FAM149B1: variants seen among roughly 807,000 people sequenced by gnomAD.
The protein encoded by FAM149B1 is primary cilium assembly protein FAM149B1.
In FAM149B1, 56 loss-of-function variants were observed where a neutral mutation model predicts 75.3. The observed-to-expected ratio is 0.74, with a 90% CI of 0.60 to 0.93. The LOEUF (loss-of-function observed/expected upper bound fraction) is 0.93, where lower values mean the gene tolerates loss of function less well. Ranked by LOEUF, FAM149B1 falls within the 40% of genes least tolerant of loss-of-function variation. The probability of loss-of-function intolerance (pLI) is 0.00; values close to 1 mark genes in which losing one functional copy is unlikely to be tolerated. For missense variants in FAM149B1, 639 were observed against 708.4 expected (o/e 0.90, Z 1.11); for synonymous variants, 259 against 256.1 (o/e 1.01, Z -0.11).
intron 7 of FAM149B1, among the ~76,000 whole-genome samples, chr10:73,218,162 A>T (rs2043336570): frequency 6.6e-6 from 1 of 152,150 alleles, no homozygotes; most frequent in Non-Finnish European, 1.5e-5. Context: ...ATGGAAGGTT[A>T]AAAAAAGGGT....
intron 7 of FAM149B1, among the ~76,000 whole-genome samples, chr10:73,221,183 A>G (rs1038608345): frequency 5.9e-5 from 9 of 152,218 alleles, no homozygotes; most frequent in Non-Finnish European, 1.2e-4. Context: ...GAAATTACAT[A>G]GTGGTAATGA....
intron 7 of FAM149B1, among the ~76,000 whole-genome samples, chr10:73,216,596 G>A (rs181523106): frequency 6.6e-6 from 1 of 152,330 alleles, no homozygotes; most frequent in East Asian, 1.9e-4. Context: ...GTATGAGCAA[G>A]AAGATGTGAG....
intron 3 of FAM149B1, among the ~76,000 whole-genome samples, chr10:73,181,017 T>C (rs1003965561): frequency 6.6e-6 from 1 of 151,282 alleles, no homozygotes; most frequent in Non-Finnish European, 1.5e-5. Flanking sequence ...TTCTTTTTTT[T>C]TTTTTTTGAG....
intron 5 of FAM149B1, among the ~76,000 whole-genome samples, chr10:73,198,387 T>C (rs1004752926): frequency 1.3e-5 from 2 of 151,882 alleles, no homozygotes; most frequent in African/African-American, 4.8e-5. Context: ...CTTCTGAACA[T>C]CAAAAGAAGC....
chr10:73,171,922 C>T (rs190695149), intron 1 of FAM149B1, among the ~76,000 whole-genome samples: 2 of 152,302 alleles, frequency 1.3e-5, no homozygotes, highest in South Asian at 2.1e-4. Flanking sequence ...GCCACCGCAC[C>T]TGGCCTCCTT....
intron 9 of FAM149B1, chr10:73,231,326 C>T (rs980625067): frequency 3.3e-5 from 5 of 152,044 alleles, no homozygotes; most frequent in Non-Finnish European, 7.4e-5. Flanking sequence ...GTTTTACGGT[C>T]TCATTTCTCT....
At chr10:73,172,966 A>G (rs1843780492) in intron 1 of FAM149B1, among the ~76,000 whole-genome samples, 1 of 152,028 alleles carries the variant, frequency 6.6e-6, no homozygotes, top group South Asian at 2.1e-4. Flanking sequence ...TAAAGATTAA[A>G]TAATTAGCCA....
intron 3 of FAM149B1, among the ~76,000 whole-genome samples, chr10:73,180,859 C>T (rs1442922238): frequency 6.6e-6 from 1 of 152,018 alleles, no homozygotes; most frequent in Non-Finnish European, 1.5e-5. Context: ...TTCATTCTTT[C>T]TGTTTTTTTT....
At chr10:73,202,559 A>C (rs1477947030) in intron 5 of FAM149B1, among the ~76,000 whole-genome samples, 1 of 151,916 alleles carries the variant, frequency 6.6e-6, no homozygotes, top group African/African-American at 2.4e-5. Flanking sequence ...CAGCCTCCCA[A>C]GTAGCTGGGA....
In FAM149B1 at chr10:73,209,490, C is replaced by A. The variant is rs79391607; in HGVS notation, c.710+704C>A. ...AAAAAAGAAAAGAAAAAGGTATAAA[C>A]AGTTTGTTTAAAACCTTATGGTTGG... On this transcript the variant is annotated intron_variant, in intron 6 of 13. Coordinates refer to ENST00000242505, the MANE Select transcript of FAM149B1 (RefSeq NM_173348.2). Among the ~76,000 whole-genome samples the A allele has an allele frequency of 7.7e-3, 1,177 of 152,198 alleles. 18 individuals carry two copies. The highest frequency in any genetic ancestry group is 0.026 in the African/African-American group (1,098 of 41,542).
intron 2 of FAM149B1, among the ~76,000 whole-genome samples, chr10:73,177,223 G>C (rs1031688090): frequency 6.6e-6 from 1 of 151,860 alleles, no homozygotes; most frequent in African/African-American, 2.4e-5. Context: ...AAAATAAAAA[G>C]TGCCATACAA....
At chr10:73,200,328 C>T in intron 5 of FAM149B1, 1 of 447,258 alleles carries the variant, frequency 2.2e-6, no homozygotes, top group African/African-American at 2.0e-5. Context: ...AAGAGCGAAA[C>T]TACATCGCAA....
intron 5 of FAM149B1, among the ~76,000 whole-genome samples, chr10:73,206,205 A>G (rs11000549): frequency 0.15 from 23,474 of 152,222 alleles, 2,973 homozygotes; most frequent in African/African-American, 0.32. Context: ...CTAGAGATCT[A>G]TGGAATTTTG....
At chr10:73,217,894 C>T (rs149291186) in intron 7 of FAM149B1, among the ~76,000 whole-genome samples, 44 of 152,318 alleles carry the variant, frequency 2.9e-4, no homozygotes, top group African/African-American at 1.0e-3. Flanking sequence ...ATTCACCTCA[C>T]TCACGTGGTT....
intron 9 of FAM149B1, among the ~76,000 whole-genome samples, chr10:73,232,266 G>C (rs906145722): frequency 6.6e-6 from 1 of 152,156 alleles, no homozygotes; most frequent in African/African-American, 2.4e-5. Context: ...TTAAGCTACT[G>C]AACTGTTTAG....
At chr10:73,185,059 C>G (rs1348000121) in intron 3 of FAM149B1, among the ~76,000 whole-genome samples, 1 of 151,856 alleles carries the variant, frequency 6.6e-6, no homozygotes, top group African/African-American at 2.4e-5. Flanking sequence ...ATAACTCAAC[C>G]CTACAGAAAG....
rs148020699 is a variant in FAM149B1, at chr10:73,241,048, A to C, written c.*29A>C. On this transcript the variant is annotated 3_prime_UTR_variant, in exon 14 of 14. Coordinates refer to ENST00000242505, the MANE Select transcript of FAM149B1 (RefSeq NM_173348.2). ...AAATGAGAAGAATCTATCAGGCTGC[A>C]GGAAACACGAGATTTCATGAAGCAG... 19 of 1,230,604 alleles carry C rather than the reference A, an allele frequency of 1.5e-5. No homozygotes were observed. In the East Asian group the frequency reaches 4.6e-4, roughly 30 times the overall value. The allele number at this position is 1,230,604 out of a possible 1,614,324, so 76.2% of individuals were successfully genotyped here. A position where few individuals can be genotyped will look rare whatever the true frequency, so the allele number is the denominator to read the frequency against.
At chr10:73,218,205 A>G (rs1044283153) in intron 7 of FAM149B1, among the ~76,000 whole-genome samples, 5 of 152,182 alleles carry the variant, frequency 3.3e-5, no homozygotes, top group African/African-American at 1.2e-4. Context: ...CTGGGTAAAT[A>G]TTGGGAGTTC....
At chr10:73,174,609 G>T in intron 1 of FAM149B1, 78 bp from the exon 2 acceptor site, 2 of 1,051,948 alleles carry the variant, frequency 1.9e-6, no homozygotes, top group South Asian at 2.9e-5. Context: ...GGAAGTAGGT[G>T]ACTAACTTCT....
Sources: gnomAD v4.1 joint callset for allele counts (sites outside exome capture counted in the v4.1 genomes callset) on GRCh38, gnomAD v4.1.1 for gene constraint, MANE v1.5 for transcripts, NCBI Gene and HGNC (gene_info 2026-07-23, HGNC 2026-07-21) for gene names.